Variants in SUPT3H observed in about 807,000 individuals in gnomAD.
SUPT3H encodes SPT3 homolog, SAGA and STAGA complex component, also known as transcription initiation protein SPT3 homolog.
Under a neutral mutation model 44.3 loss-of-function variants are expected in SUPT3H, and 44 were observed. That is an observed-to-expected ratio of 0.99 (90% CI 0.78 to 1.28). SUPT3H has a LOEUF of 1.28. Among genes scored for constraint, SUPT3H ranks in the 50% most tolerant of loss-of-function variants. The pLI is 0.00. For synonymous variants in SUPT3H, 124 were observed against 125.6 expected (o/e 0.99, Z 0.09); for missense variants, 380 against 387.1 (o/e 0.98, Z 0.15).
intron 3 of SUPT3H, among the ~76,000 whole-genome samples, chr6:45,084,286 A>G (rs1796203604): frequency 6.6e-6 from 1 of 152,210 alleles, no homozygotes; most frequent in Admixed American, 6.5e-5. Context: ...AACTTAAACA[A>G]TCCAACAAGC....
chr6:45,286,365 T>A (rs1223627468), intron 2 of SUPT3H, among the ~76,000 whole-genome samples: 1 of 152,100 alleles, frequency 6.6e-6, no homozygotes, highest in Non-Finnish European at 1.5e-5. Context: ...AGGGCGAATA[T>A]CTAGAATCTA....
intron 3 of SUPT3H, among the ~76,000 whole-genome samples, chr6:45,028,182 T>C (rs1047187222): frequency 1.3e-5 from 2 of 152,250 alleles, no homozygotes; most frequent in Admixed American, 1.3e-4. Flanking sequence ...GACTTGTGTC[T>C]AGGATTTCTA....
chr6:45,063,960 G>A (rs202086003), intron 3 of SUPT3H, among the ~76,000 whole-genome samples: 25,276 of 88,952 alleles, frequency 0.28, 2,851 homozygotes, highest in Middle Eastern at 0.35. Context: ...TACAGAGAAC[G>A]CCACAAAGAT....
intron 2 of SUPT3H, among the ~76,000 whole-genome samples, chr6:45,109,810 A>G (rs1300283576): frequency 6.6e-6 from 1 of 152,208 alleles, no homozygotes; most frequent in East Asian, 1.9e-4. Flanking sequence ...ACAGACAAGT[A>G]ATTGATACTT....
intron 10 of SUPT3H, among the ~76,000 whole-genome samples, chr6:44,897,244 C>T (rs1159829446): frequency 1.3e-5 from 2 of 152,160 alleles, no homozygotes; most frequent in Non-Finnish European, 2.9e-5. Flanking sequence ...TGGGGTTAAC[C>T]TCAACTCTTT....
At chr6:45,318,771 C>G (rs1223092825) in intron 2 of SUPT3H, among the ~76,000 whole-genome samples, 1 of 151,882 alleles carries the variant, frequency 6.6e-6, no homozygotes, top group Non-Finnish European at 1.5e-5. Context: ...GAATTTATAA[C>G]TAAAAATGAC....
intron 7 of SUPT3H, among the ~76,000 whole-genome samples, chr6:44,960,522 T>G (rs1278923591): frequency 2.0e-5 from 3 of 151,866 alleles, no homozygotes; most frequent in Admixed American, 6.6e-5. Context: ...AGAAGGCATA[T>G]TAGGAGACTT....
chr6:44,895,870 C>T (rs141278849), intron 10 of SUPT3H, among the ~76,000 whole-genome samples: 1 of 151,494 alleles, frequency 6.6e-6, no homozygotes, highest in African/African-American at 2.4e-5. Context: ...AACGTGTAGA[C>T]ATAACTAAAG....
At chr6:45,007,476 T>C (rs917633797) in intron 5 of SUPT3H, among the ~76,000 whole-genome samples, 1 of 152,154 alleles carries the variant, frequency 6.6e-6, no homozygotes, top group Non-Finnish European at 1.5e-5. Context: ...CTATGTGCTT[T>C]GAGATAACTA....
In SUPT3H at chr6:45,266,095, G is replaced by A. The variant is rs112138258; in HGVS notation, c.101+99106C>T. On this transcript the variant is annotated intron_variant, in intron 2 of 10. Transcript: ENST00000371459. ...ACATTTGAGAAAAATACACTAGCCTGAATTGACCTCAATCAGTTGGAAGCT... is the reference window on the plus strand; with the variant it reads ...ACATTTGAGAAAAATACACTAGCCTAAATTGACCTCAATCAGTTGGAAGCT... Among the ~76,000 whole-genome samples, 1,359 of 151,908 alleles carry A rather than the reference G, an allele frequency of 8.9e-3. 13 individuals carry two copies. Among genetic ancestry groups the A allele is most frequent in the South Asian group, 0.025 (120 of 4,822 alleles).
intron 10 of SUPT3H, among the ~76,000 whole-genome samples, chr6:44,839,203 C>A (rs985181335): frequency 2.6e-5 from 4 of 152,104 alleles, no homozygotes; most frequent in Non-Finnish European, 5.9e-5. Context: ...CTGCACTGGC[C>A]CAGATCACCC....
intron 2 of SUPT3H, among the ~76,000 whole-genome samples, chr6:45,278,397 C>T (rs890167168): frequency 6.6e-6 from 1 of 152,146 alleles, no homozygotes; most frequent in Non-Finnish European, 1.5e-5. Flanking sequence ...TAAGTATAAA[C>T]TGTTGCCTTT....
At chr6:44,999,672 C>T (rs1360448940) in intron 6 of SUPT3H, among the ~76,000 whole-genome samples, 3 of 151,590 alleles carry the variant, frequency 2.0e-5, no homozygotes, top group Non-Finnish European at 4.4e-5. Flanking sequence ...TTTTTTTTCC[C>T]TTGAATTAAT....
In SUPT3H at chr6:45,095,153, G is replaced by A. The variant is rs892834526; in HGVS notation, c.186+10769C>T. The stretch of plus-strand genomic sequence containing the variant: ...CTCTGGCTTAGTACAAAGTATGAAC[G>A]TTTAGTTAGCAAGAAGACTGTTTCC... On this transcript the variant is annotated intron_variant, in intron 3 of 10. Transcript: ENST00000371459. The surrounding 1 kb of genome is among the most constrained non-coding windows in gnomAD (Gnocchi z 4.1). Among the ~76,000 whole-genome samples, 2 of 152,092 alleles carry A rather than the reference G, an allele frequency of 1.3e-5. No individual in the cohort carries two copies. The highest frequency in any genetic ancestry group is 1.3e-4 in the Admixed American group (2 of 15,264).
intron 2 of SUPT3H, among the ~76,000 whole-genome samples, chr6:45,240,608 G>A (rs12202232): frequency 0.23 from 34,606 of 152,150 alleles, 4,626 homozygotes; most frequent in Non-Finnish European, 0.31. Context: ...GAGGTGCTGC[G>A]CAGCGATTCC....
intron 2 of SUPT3H, among the ~76,000 whole-genome samples, chr6:45,274,444 A>G (rs1421509772): frequency 6.6e-6 from 1 of 152,206 alleles, no homozygotes; most frequent in African/African-American, 2.4e-5. Context: ...TTATAGTTTG[A>G]GCTCTTATAT....
At chr6:45,335,734 A>C (rs1182802475) in intron 2 of SUPT3H, among the ~76,000 whole-genome samples, 1 of 151,296 alleles carries the variant, frequency 6.6e-6, no homozygotes, top group African/African-American at 2.4e-5. Flanking sequence ...TTAAGACACC[A>C]TGAAGTAATC....
downstream of SUPT3H, among the ~76,000 whole-genome samples, chr6:44,826,349 T>C (rs1767752380): frequency 6.6e-6 from 1 of 152,218 alleles, no homozygotes; most frequent in Non-Finnish European, 1.5e-5. Context: ...ATCTTGAGTT[T>C]CAAATAAGAA....
At chr6:44,818,958 C>T (rs1032813742) in intron 11 of SUPT3H, among the ~76,000 whole-genome samples, 3 of 152,122 alleles carry the variant, frequency 2.0e-5, no homozygotes, top group East Asian at 3.9e-4. Flanking sequence ...GTCAGTAATC[C>T]CACTTCTAGG....
Sources: allele counts gnomAD v4.1 joint callset (sites outside exome capture counted in the v4.1 genomes callset), GRCh38; gene constraint gnomAD v4.1.1; non-coding constraint Gnocchi (gnomAD v3.1); transcripts MANE v1.5; gene names NCBI Gene and HGNC (gene_info 2026-07-23, HGNC 2026-07-21).